The following WWC2 variants were observed in gnomAD, a reference collection of about 807,000 sequenced individuals.
WWC2 encodes WW and C2 domain containing 2.
Under a neutral mutation model 138.5 loss-of-function variants are expected in WWC2, and 101 were observed. The observed-to-expected ratio is 0.73, with a 90% CI of 0.62 to 0.86. The LOEUF is 0.86. WWC2 is among the 40% of genes least tolerant of loss of function. WWC2 has a pLI of 0.00. For synonymous variants in WWC2, 558 were observed against 538.4 expected (o/e 1.04, Z -0.50); for missense variants, 1,420 against 1,419.4 (o/e 1.00, Z -0.01).
chr4:183,200,994 C>T (rs745670772), intron 2 of WWC2, among the ~76,000 whole-genome samples: 2 of 152,196 alleles, frequency 1.3e-5, no homozygotes, highest in East Asian at 3.9e-4. Context: ...CATTTATGTT[C>T]GTTAGAGGAT....
chr4:183,248,986 C>T (rs1337702276), intron 7 of WWC2, 126 bp downstream of exon 7: 3 of 958,194 alleles, frequency 3.1e-6, no homozygotes, highest in Non-Finnish European at 4.3e-6. Flanking sequence ...TTCAGTGTTC[C>T]ATTTTCGTAA....
At chr4:183,257,481 G>T (rs1450641239) in intron 9 of WWC2, among the ~76,000 whole-genome samples, 1 of 152,156 alleles carries the variant, frequency 6.6e-6, no homozygotes, top group Non-Finnish European at 1.5e-5. Context: ...GAGCAGATGG[G>T]CCAGGGGGAG....
chr4:183,308,902 T>C lies in WWC2; in HGVS notation c.3385-3439T>C, dbSNP rs376565734. On this transcript the variant is annotated intron_variant, in intron 21 of 22. Transcript: ENST00000403733. Reference sequence around the variant, plus strand: ...ATTCATGGTTGGTTGAATCCATGGATGTGGATCCCACAGATACAGAGGGCT... The same window carrying C: ...ATTCATGGTTGGTTGAATCCATGGACGTGGATCCCACAGATACAGAGGGCT... Among the ~76,000 whole-genome samples the C allele has an allele frequency of 3.9e-4, 60 of 152,340 alleles. No homozygotes were observed. In the South Asian group the frequency reaches 0.011, roughly 27 times the overall value.
At chr4:183,205,096 A>G (rs931891453) in intron 2 of WWC2, among the ~76,000 whole-genome samples, 5 of 152,206 alleles carry the variant, frequency 3.3e-5, no homozygotes, top group African/African-American at 4.8e-5. Flanking sequence ...CTCTTGGGTA[A>G]ATAACAAGTT....
intron 21 of WWC2, among the ~76,000 whole-genome samples, chr4:183,299,255 G>A (rs1347497226): frequency 1.3e-5 from 2 of 152,038 alleles, no homozygotes; most frequent in African/African-American, 2.4e-5. Flanking sequence ...ACCTCTCAAA[G>A]GTCCCACCTC....
intron 1 of WWC2, among the ~76,000 whole-genome samples, chr4:183,160,876 G>C (rs989842101): frequency 1.3e-5 from 2 of 152,162 alleles, no homozygotes; most frequent in Non-Finnish European, 2.9e-5. Flanking sequence ...ATATTGATGA[G>C]ATAAGTTGTA....
chr4:183,221,238 A>G (rs1735927222), intron 4 of WWC2, among the ~76,000 whole-genome samples: 1 of 152,238 alleles, frequency 6.6e-6, no homozygotes, highest in African/African-American at 2.4e-5. Context: ...CAGTTCATCA[A>G]AGGACATAAG....
chr4:183,204,791 G>T (rs1735399399), intron 2 of WWC2, among the ~76,000 whole-genome samples: 1 of 152,098 alleles, frequency 6.6e-6, no homozygotes, highest in Admixed American at 6.5e-5. Flanking sequence ...GTACTGCTGG[G>T]CCCAGGCAAT....
chr4:183,287,021 A>C (rs1359134761), intron 20 of WWC2, among the ~76,000 whole-genome samples: 1 of 152,162 alleles, frequency 6.6e-6, no homozygotes, highest in Non-Finnish European at 1.5e-5. Flanking sequence ...GACACACGGC[A>C]TGAGGAGTGT....
At chr4:183,247,641 ATATATAC>A (rs1420559431) in intron 6 of WWC2, among the ~76,000 whole-genome samples, 16 of 138,994 alleles carry the variant, frequency 1.2e-4, no homozygotes, top group African/African-American at 3.5e-4. Flanking sequence ...TATATATACT[ATATATAC>A]TATATACTAT....
chr4:183,149,959 T>C (rs1049760047), intron 1 of WWC2, among the ~76,000 whole-genome samples: 2 of 152,144 alleles, frequency 1.3e-5, no homozygotes, highest in African/African-American at 2.4e-5. Context: ...TACCCAGTAG[T>C]ATAGGGTACC....
chr4:183,162,148 G>A (rs1733978803), intron 1 of WWC2, among the ~76,000 whole-genome samples: 1 of 150,928 alleles, frequency 6.6e-6, no homozygotes, highest in South Asian at 2.1e-4. Context: ...TGTATTGTAA[G>A]TTATACAACA....
intron 1 of WWC2, among the ~76,000 whole-genome samples, chr4:183,133,987 A>T (rs1206465112): frequency 6.6e-6 from 1 of 152,090 alleles, no homozygotes; most frequent in Non-Finnish European, 1.5e-5. Flanking sequence ...TGCTTACAAA[A>T]CTATTCAGGT....
At chr4:183,236,282 C>T (rs1736421493) in intron 4 of WWC2, among the ~76,000 whole-genome samples, 2 of 152,042 alleles carry the variant, frequency 1.3e-5, no homozygotes, top group Admixed American at 6.6e-5. Context: ...AAACTTCAGA[C>T]GAATTAAATT....
At chr4:183,270,609 C>T (rs1055435983) in intron 15 of WWC2, among the ~76,000 whole-genome samples, 1 of 151,606 alleles carries the variant, frequency 6.6e-6, no homozygotes, top group East Asian at 2.0e-4. Flanking sequence ...ACTAAAAATA[C>T]AAAAATTAGC....
At chr4:183,303,368 G>A (rs1418014810) in intron 21 of WWC2, among the ~76,000 whole-genome samples, 2 of 152,060 alleles carry the variant, frequency 1.3e-5, no homozygotes, top group Non-Finnish European at 2.9e-5. Context: ...AAGCTTTTGG[G>A]CCCAGTGTAA....
rs1399571938 is a variant in WWC2 at position 183,316,534 on chromosome 4, A to G, written c.*805A>G. Reference sequence around the variant, plus strand: ...GTCTCACTCAGCCTGAATTTGCATTAAGTGTTCAAAAGTGAGTTTCTGGCT... The same window carrying G: ...GTCTCACTCAGCCTGAATTTGCATTGAGTGTTCAAAAGTGAGTTTCTGGCT... On this transcript the variant is annotated 3_prime_UTR_variant, in exon 23 of 23. Transcript: ENST00000403733. 6.6e-6 allele frequency: 1 copy of G among 152,188 alleles called. No individual in the cohort carries two copies. The allele number at this position is 152,188 out of a possible 1,614,324, so 9.4% of individuals were successfully genotyped here.
At chr4:183,284,979 AATTT>A (rs1256558980) in intron 19 of WWC2, among the ~76,000 whole-genome samples, 3 of 152,156 alleles carry the variant, frequency 2.0e-5, no homozygotes, top group Non-Finnish European at 4.4e-5. Context: ...TTAAATTCTA[AATTT>A]ATTCATTCAG....
At chr4:183,202,929 C>T (rs904747239) in intron 2 of WWC2, among the ~76,000 whole-genome samples, 4 of 152,178 alleles carry the variant, frequency 2.6e-5, no homozygotes, top group Non-Finnish European at 4.4e-5. Flanking sequence ...TTATATTTTG[C>T]AGTATCTCAT....
Sources: allele counts gnomAD v4.1 joint callset (sites outside exome capture counted in the v4.1 genomes callset), GRCh38; gene constraint gnomAD v4.1.1; transcripts MANE v1.5; gene names NCBI Gene and HGNC (gene_info 2026-07-23, HGNC 2026-07-21).